The following SLC15A4 variants were observed in gnomAD, a reference collection of about 807,000 sequenced individuals.
SLC15A4 encodes the protein solute carrier family 15 member 4.
Under a neutral mutation model 46.1 loss-of-function variants are expected in SLC15A4, and 26 were observed. The observed-to-expected ratio is 0.56, with a 90% CI of 0.41 to 0.78. SLC15A4 has a LOEUF of 0.78. SLC15A4 is among the 30% of genes least tolerant of loss of function. The pLI is 0.00. For synonymous variants in SLC15A4, 370 were observed against 333.4 expected, an observed-to-expected ratio of 1.11 and a Z score of -1.20; for missense variants, 751 against 755.7, an observed-to-expected ratio of 0.99 and a Z score of 0.07.
chr12:128,815,351 T>C (rs1185392457), intron 1 of SLC15A4: 5 of 170,314 alleles, frequency 2.9e-5, no homozygotes, highest in African/African-American at 5.2e-5. Flanking sequence ...ATTTTCTAAG[T>C]ACCTGAACCA....
chr12:128,806,184 A>T (rs1955587377), intron 5 of SLC15A4, among the ~76,000 whole-genome samples: 1 of 151,248 alleles, frequency 6.6e-6, no homozygotes, highest in African/African-American at 2.4e-5. Context: ...AAAAAAAAAG[A>T]AAAACCTATT....
intron 1 of SLC15A4, among the ~76,000 whole-genome samples, chr12:128,822,087 T>C (rs2135726764): frequency 1.3e-5 from 2 of 152,276 alleles, no homozygotes; most frequent in Middle Eastern, 6.8e-3. Flanking sequence ...GCCCCAGCCT[T>C]CCACCTCACT....
At chr12:128,811,407 A>C (rs1955654250) in intron 2 of SLC15A4, among the ~76,000 whole-genome samples, 2 of 152,242 alleles carry the variant, frequency 1.3e-5, no homozygotes, top group Non-Finnish European at 2.9e-5. Flanking sequence ...TGAAAACTAT[A>C]ACTGAATATT....
At chr12:128,819,797 A>T (rs983270508) in intron 1 of SLC15A4, 2 of 152,240 alleles carry the variant, frequency 1.3e-5, no homozygotes, top group African/African-American at 4.8e-5. Flanking sequence ...AAGAGCGCAT[A>T]TTCTGTCAGA....
At chr12:128,801,131 T>C (rs1194922153) in intron 5 of SLC15A4, 122 bp from the exon 6 acceptor site, 6 of 905,370 alleles carry the variant, frequency 6.6e-6, no homozygotes, top group African/African-American at 1.7e-5. Flanking sequence ...AAGGACCACG[T>C]CTAATCACAG....
At chr12:128,809,591 G>C in intron 3 of SLC15A4, 118 bp from the exon 4 acceptor site, 2 of 659,954 alleles carry the variant, frequency 3.0e-6, no homozygotes, top group East Asian at 2.6e-5. Flanking sequence ...CCCAGAAATA[G>C]ACAATGGCTC....
At chr12:128,795,898 C>T (rs1359883020) in intron 7 of SLC15A4, among the ~76,000 whole-genome samples, 1 of 152,186 alleles carries the variant, frequency 6.6e-6, no homozygotes, top group Admixed American at 6.5e-5. Flanking sequence ...CGTTTCTGCA[C>T]GAGGTCGCAG....
intron 7 of SLC15A4, among the ~76,000 whole-genome samples, chr12:128,795,547 A>C (rs1955433436): frequency 1.3e-5 from 2 of 152,146 alleles, no homozygotes; most frequent in South Asian, 4.1e-4. Context: ...TCAGAAAGGC[A>C]CTCAAGAGGG....
In SLC15A4 at chr12:128,809,996, T is replaced by C. The variant is rs773423312; in HGVS notation, c.958A>G (p.Lys320Glu). 6 of 1,614,216 alleles carry C rather than the reference T, an allele frequency of 3.7e-6. No individual in the cohort carries two copies. The highest frequency in any genetic ancestry group is 1.1e-5 in the South Asian group (1 of 91,082). Residue 320 changes from lysine to glutamate, a missense_variant, in exon 3 of 8, where the codon AAG (lysine) becomes GAG (glutamate). Transcript: ENST00000266771. ...EKVEDVKALV[K>E]IVPVFLALIP... ...AAAGCCAAGAAAACAGGGACAATCTTGACCAGAGCTTTCACATCTTCCACT... is the reference window on the plus strand; with the variant it reads ...AAAGCCAAGAAAACAGGGACAATCTCGACCAGAGCTTTCACATCTTCCACT...
At chr12:128,811,595 C>G (rs545506110) in intron 2 of SLC15A4, among the ~76,000 whole-genome samples, 18 of 152,184 alleles carry the variant, frequency 1.2e-4, no homozygotes, top group Non-Finnish European at 1.8e-4. Context: ...AAAATAAATT[C>G]CAAAGACATT....
intron 5 of SLC15A4, among the ~76,000 whole-genome samples, chr12:128,805,972 G>T (rs1444022271): frequency 1.3e-5 from 2 of 151,888 alleles, no homozygotes; most frequent in South Asian, 4.1e-4. Context: ...ACGAGGTCAG[G>T]AGATCGAGAC....
intron 2 of SLC15A4, among the ~76,000 whole-genome samples, chr12:128,810,839 G>A (rs1955648157): frequency 6.6e-6 from 1 of 152,216 alleles, no homozygotes; most frequent in Admixed American, 6.5e-5. Flanking sequence ...CTATTGCACA[G>A]AGGAAGATGC....
Position 128,823,826 on chromosome 12 carries a change from C to G in SLC15A4, c.118G>C (p.Val40Leu). The change falls in exon 1 of 8, where the codon GTG becomes CTG. Residue 40 changes from valine (V) to leucine (L), a missense_variant. Val to Leu is a conservative substitution (Grantham distance 32). Transcript: ENST00000266771. ...FAGRRAACGA[V>L]LLTELLERAA... ...CGCTCCAGCAGCTCCGTCAGCAGCA[C>G]GGCCCCGCACGCCGCGCGCCGGCCC... 1 of 1,377,082 alleles carries G rather than the reference C, an allele frequency of 7.3e-7. No homozygotes were observed. Among genetic ancestry groups the G allele is most frequent in the Non-Finnish European group, 9.5e-7 (1 of 1,054,956 alleles). 85.3% of individuals were successfully genotyped at this position (1,377,082 alleles called of 1,614,324 possible). A position where few individuals can be genotyped will look rare whatever the true frequency, so the allele number is the denominator to read the frequency against.
chr12:128,816,706 C>T (rs1203677098), intron 1 of SLC15A4, among the ~76,000 whole-genome samples: 1 of 152,094 alleles, frequency 6.6e-6, no homozygotes, highest in East Asian at 1.9e-4. Context: ...GTGGTGTGCG[C>T]CTACAGTCCC....
At position 128,814,935 on chromosome 12, in the gene SLC15A4, T is replaced by G; in HGVS notation, c.682A>C (p.Ile228Leu). 1.2e-6 allele frequency: 2 copies of G among 1,614,096 alleles called. No homozygotes were observed. Among genetic ancestry groups the G allele is most frequent in the Non-Finnish European group, 1.7e-6 (2 of 1,180,024 alleles). ...QNVSFVTGYA[I>L]PTVCVGLAFV... ...GCAAGGCCGACGCAGACAGTGGGGATCGCATAACCAGTGACAAAGCTGACG... is the reference window on the plus strand; with the variant it reads ...GCAAGGCCGACGCAGACAGTGGGGAGCGCATAACCAGTGACAAAGCTGACG... Residue 228 changes from isoleucine to leucine, a missense_variant, in exon 2 of 8, where the codon ATC (isoleucine) becomes CTC (leucine). Coordinates refer to ENST00000266771, the MANE Select transcript of SLC15A4 (RefSeq NM_145648.4).
chr12:128,823,539 G>A lies in SLC15A4; in HGVS notation c.405C>T (p.Ser135=). 1.4e-6 allele frequency: 2 copies of A among 1,458,948 alleles called. No homozygotes were observed. The highest frequency in any genetic ancestry group is 3.0e-5 in the East Asian group (1 of 33,736). The allele number at this position is 1,458,948 out of a possible 1,614,324, so 90.4% of individuals were successfully genotyped here. The change falls in exon 1 of 8, where the codon TCC becomes TCT. Residue 135 remains serine (S), a synonymous_variant. Coordinates refer to ENST00000266771, the MANE Select transcript of SLC15A4 (RefSeq NM_145648.4). ...GCGCCGTGCAGTTGAGCAGGCGCGCGGAACCGCAGAGCGCGGCTCGCGTGG... is the reference window on the plus strand; with the variant it reads ...GCGCCGTGCAGTTGAGCAGGCGCGCAGAACCGCAGAGCGCGGCTCGCGTGG... ...APATRAALCG[S]ARLLNCTAPG... is the part of the protein sequence containing the mutation.
Position 128,794,234 on chromosome 12 carries a change from A to G in SLC15A4, c.1696T>C (p.Ser566Pro). 6.2e-7 allele frequency: 1 copy of G among 1,613,866 alleles called. No homozygotes were observed. ...KYDHHRDHQR[S>P]RANGVPTSRR... ...CTGGTGGGCACGCCATTGGCTCTTG[A>G]TCGCTGATGGTCTCGATGATGGTCA... Residue 566 changes from serine (S) to proline (P), a missense_variant, in exon 8 of 8, where the codon TCA (serine) becomes CCA (proline). By Grantham distance (74) the Ser-to-Pro change is moderately conservative (BLOSUM62 -1). Coordinates refer to ENST00000266771, the MANE Select transcript of SLC15A4 (RefSeq NM_145648.4).
chr12:128,816,146 T>C (rs1231043616), intron 1 of SLC15A4, among the ~76,000 whole-genome samples: 2 of 152,158 alleles, frequency 1.3e-5, no homozygotes, highest in Non-Finnish European at 2.9e-5. Context: ...ACTGAGGTAA[T>C]AACGCAACAT....
chr12:128,799,400 A>G lies in SLC15A4; in HGVS notation c.1432T>C (p.Ser478Pro). 6.2e-7 allele frequency: 1 copy of G among 1,614,140 alleles called. No homozygotes were observed. Among genetic ancestry groups the G allele is most frequent in the South Asian group, 1.1e-5 (1 of 91,068 alleles). The change falls in exon 7 of 8, where the codon TCA (serine) becomes CCA (proline). Residue 478 changes from serine (S) to proline (P), a missense_variant. Coordinates refer to ENST00000266771, the MANE Select transcript of SLC15A4 (RefSeq NM_145648.4). ...ASIAGLEFAYSAAPKSMQSAI... is the reference protein window; with the variant it reads ...ASIAGLEFAYPAAPKSMQSAI... The stretch of plus-strand genomic sequence containing the variant: ...CTCTGCATGGACTTGGGGGCAGCTG[A>G]GTATGCAAATTCCAGGCCTGAGGAA...
Sources: allele counts gnomAD v4.1 joint callset (sites outside exome capture counted in the v4.1 genomes callset), GRCh38; gene constraint gnomAD v4.1.1; transcripts MANE v1.5; gene names NCBI Gene and HGNC (gene_info 2026-07-23, HGNC 2026-07-21).